DPP6: variants seen among roughly 807,000 people sequenced by gnomAD.
The protein encoded by DPP6 is dipeptidyl peptidase like 6.
A neutral mutation model predicts 122.6 loss-of-function variants in DPP6; 69 were observed. That is an observed-to-expected ratio of 0.56 (90% CI 0.46 to 0.69). The LOEUF (loss-of-function observed/expected upper bound fraction) is 0.69. DPP6 is among the 30% of genes least tolerant of loss of function. The pLI, the probability that DPP6 is intolerant of heterozygous loss-of-function variation, is 0.00. For synonymous variants in DPP6, 418 were observed against 433.1 expected, an observed-to-expected ratio of 0.97 and a Z score of 0.43; for missense variants, 928 against 1,116.9, an observed-to-expected ratio of 0.83 and a Z score of 2.41.
chr7:154,592,765 C>A lies in DPP6; in HGVS notation c.627+25849C>A, dbSNP rs539479256. ...GTGCATGATGTCCAGGATGAGCAAA[C>A]GGAGTGATGTTTGAACATGTCATCC... On this transcript the variant is annotated intron_variant, in intron 5 of 25. Transcript: ENST00000377770. 5.3e-4 allele frequency among the ~76,000 whole-genome samples: 81 copies of A among 152,170 alleles called. 2 individuals are homozygous for A. The South Asian group carries it at 0.014, about 26-fold the overall frequency.
At chr7:154,771,760 G>A (rs185426698) in intron 9 of DPP6, among the ~76,000 whole-genome samples, 2 of 152,300 alleles carry the variant, frequency 1.3e-5, no homozygotes, top group East Asian at 3.9e-4. Flanking sequence ...ATTTGCCTTC[G>A]ACAGAATTAT....
chr7:154,379,416 G>A (rs1813403387), intron 1 of DPP6, among the ~76,000 whole-genome samples: 1 of 152,104 alleles, frequency 6.6e-6, no homozygotes, highest in African/African-American at 2.4e-5. Flanking sequence ...TAAATGATGA[G>A]TTGATGGGTG....
intron 5 of DPP6, among the ~76,000 whole-genome samples, chr7:154,599,705 G>A (rs1304573694): frequency 6.6e-6 from 1 of 150,386 alleles, no homozygotes; most frequent in Non-Finnish European, 1.5e-5. Flanking sequence ...GGTGTGTGAT[G>A]TTCCCCACCC....
At chr7:154,158,823 G>T (rs1446854169) in intron 1 of DPP6, among the ~76,000 whole-genome samples, 2 of 152,020 alleles carry the variant, frequency 1.3e-5, no homozygotes, top group Non-Finnish European at 2.9e-5. Context: ...TCCCAGGGCG[G>T]AATCCCTCCA....
chr7:154,482,170 C>A (rs373192551), intron 3 of DPP6, among the ~76,000 whole-genome samples: 24 of 152,264 alleles, frequency 1.6e-4, no homozygotes, highest in Admixed American at 5.2e-4. Flanking sequence ...GAACAACCAA[C>A]GCAAAGGTCT....
chr7:154,665,353 C>T (rs1206473909), intron 6 of DPP6, among the ~76,000 whole-genome samples: 2 of 152,252 alleles, frequency 1.3e-5, no homozygotes, highest in Non-Finnish European at 2.9e-5. Context: ...TCAGTAAAGA[C>T]TCATGGGTAT....
At chr7:153,845,830 T>A in the DPP6 span, among the ~76,000 whole-genome samples, 17 of 152,292 alleles carry the variant, frequency 1.1e-4, 1 homozygote, top group Admixed American at 9.8e-4. Context: ...CTTTAGACTA[T>A]TTTAACTCTA....
intron 7 of DPP6, among the ~76,000 whole-genome samples, chr7:154,690,109 C>T (rs1839851788): frequency 6.6e-6 from 1 of 152,126 alleles, no homozygotes; most frequent in Admixed American, 6.5e-5. Context: ...GAAGGACTTG[C>T]TTATTGGATA....
Position 154,058,713 on chromosome 7 carries a change from G to C in DPP6, c.243+5650G>C, listed in dbSNP as rs376787682. On this transcript the variant is annotated intron_variant, in intron 1 of 25. Coordinates refer to ENST00000377770, the MANE Select transcript of DPP6 (RefSeq NM_130797.4). ...AAGTAGAAAGTTCAAATCTTCCGAC[G>C]GCAGGTACCTTACGTGGGATTACTG... The C allele has an allele frequency of 2.7e-5, 4 of 150,192 alleles. No homozygotes were observed. In the East Asian group the frequency reaches 8.1e-4, roughly 30 times the overall value. The allele number at this position is 150,192 out of a possible 1,614,324, so 9.3% of individuals were successfully genotyped here. A position where few individuals can be genotyped will look rare whatever the true frequency, so the allele number is the denominator to read the frequency against.
intron 1 of DPP6, among the ~76,000 whole-genome samples, chr7:154,407,033 C>G (rs1816174290): frequency 6.6e-6 from 1 of 152,160 alleles, no homozygotes; most frequent in South Asian, 2.1e-4. Context: ...TGCCTCTCAT[C>G]TTAGTGACAG....
At chr7:154,188,111 C>T (rs1487473418) in intron 1 of DPP6, among the ~76,000 whole-genome samples, 1 of 151,894 alleles carries the variant, frequency 6.6e-6, no homozygotes, top group Non-Finnish European at 1.5e-5. Context: ...TCTGGTCACG[C>T]GTAAAGACCG....
intron 18 of DPP6, among the ~76,000 whole-genome samples, chr7:154,870,615 A>C (rs896452588): frequency 5.9e-5 from 9 of 151,978 alleles, no homozygotes; most frequent in African/African-American, 1.7e-4. Flanking sequence ...CAAAAAACAA[A>C]AAACAAACAA....
At chr7:153,888,541 G>C (rs1249618760) in intron 1 of DPP6, among the ~76,000 whole-genome samples, 2 of 152,218 alleles carry the variant, frequency 1.3e-5, no homozygotes, top group South Asian at 2.1e-4. Flanking sequence ...TCCGGGGCAC[G>C]GGGCCGAGGG....
intron 1 of DPP6, among the ~76,000 whole-genome samples, chr7:153,889,899 G>T (rs540317283): frequency 1.3e-5 from 2 of 152,330 alleles, no homozygotes; most frequent in East Asian, 3.9e-4. Context: ...ACAGCCTGCT[G>T]TGTAACTTAT....
intron 1 of DPP6, among the ~76,000 whole-genome samples, chr7:154,264,899 ATGATAG>A (rs1466473960): frequency 1.3e-4 from 19 of 150,992 alleles, no homozygotes; most frequent in Admixed American, 1.3e-4. Flanking sequence ...GGTGATGATA[ATGATAG>A]TGATAGTGAT....
At position 154,277,627 on chromosome 7, in the gene DPP6, T is replaced by C. The variant is rs960521486; in HGVS notation, c.244-168587T>C. 8.1e-4 allele frequency among the ~76,000 whole-genome samples: 123 copies of C among 152,188 alleles called. 1 individual carries two copies. Among genetic ancestry groups the C allele is most frequent in the Non-Finnish European group, 9.7e-4 (66 of 68,000 alleles). ...AAAAATACAAAAGATTAGCCAGGCA[T>C]GGTGGCTCATGCCTGCAATCCCAGC... On this transcript the variant is annotated intron_variant, in intron 1 of 25. Coordinates refer to ENST00000377770, the MANE Select transcript of DPP6 (RefSeq NM_130797.4).
chr7:154,181,556 C>T (rs756564930), intron 1 of DPP6, among the ~76,000 whole-genome samples: 4 of 152,248 alleles, frequency 2.6e-5, no homozygotes, highest in Non-Finnish European at 4.4e-5. Flanking sequence ...GAGCTCACAG[C>T]CCTAAACTAT....
chr7:154,784,526 G>A (rs1036990574), intron 10 of DPP6, among the ~76,000 whole-genome samples: 31 of 152,178 alleles, frequency 2.0e-4, no homozygotes, highest in African/African-American at 7.5e-4. Flanking sequence ...GGAAAAAAAT[G>A]TACACTCAGT....
intron 5 of DPP6, among the ~76,000 whole-genome samples, chr7:154,574,997 TG>T (rs1218121101): frequency 1.4e-5 from 2 of 144,414 alleles, no homozygotes; most frequent in Admixed American, 6.9e-5. Flanking sequence ...TGTATATGTG[TG>T]GGGTGTGTGT....
Sources: allele counts gnomAD v4.1 joint callset (sites outside exome capture counted in the v4.1 genomes callset), GRCh38; gene constraint gnomAD v4.1.1; transcripts MANE v1.5; gene names NCBI Gene and HGNC (gene_info 2026-07-23, HGNC 2026-07-21).